ABCA3: variants seen among roughly 807,000 people sequenced by gnomAD.
ABCA3 encodes the protein ATP binding cassette subfamily A member 3, also known as phospholipid-transporting ATPase ABCA3.
ABCA3 carries 88 observed loss-of-function variants against 172.8 expected under a neutral mutation model. The ratio of observed to expected loss-of-function variants is 0.51; its 90% CI spans 0.43 to 0.61. The LOEUF (loss-of-function observed/expected upper bound fraction) is 0.61, where lower values mean the gene tolerates loss of function less well. ABCA3 is among the 20% of genes least tolerant of loss of function. The pLI is 0.00. For missense variants in ABCA3, 2,164 were observed against 2,301.0 expected, an observed-to-expected ratio of 0.94 and a Z score of 1.22; for synonymous variants, 1,066 against 983.8, an observed-to-expected ratio of 1.08 and a Z score of -1.56.
intron 5 of ABCA3, 137 bp downstream of exon 5, chr16:2,325,873 G>C: frequency 1.7e-6 from 2 of 1,194,608 alleles, no homozygotes; most frequent in Non-Finnish European, 2.4e-6. Context: ...GTAGTGATGC[G>C]GGAAGAAGCA....
rs755504528 is a variant in ABCA3, at chr16:2,281,095, C to T, written c.4291G>A (p.Gly1431Arg). The T allele has an allele frequency of 1.1e-5, 18 of 1,613,980 alleles. No individual in the cohort carries two copies. Among genetic ancestry groups the T allele is most frequent in the Middle Eastern group, 1.6e-4 (1 of 6,062 alleles). Residue 1431 changes from glycine (G) to arginine (R), a missense_variant, in exon 28 of 33, where the codon GGG becomes AGG. This residue lies in a region of ABCA3 where 795 missense variants were observed against 881.9 expected (regional missense o/e 0.90). Transcript: ENST00000301732. The surrounding 1 kb of genome is among the most constrained non-coding windows in gnomAD (Gnocchi z 4.7). ...TCCCCAGAAGTGAGGCTCTCCTCCC[C>T]GGTCAGCATTTTGAAAGTCGTGGTC... ...GKTTTFKMLT[G>R]EESLTSGDAF...
intron 5 of ABCA3, 64 bp from the exon 6 acceptor site, chr16:2,324,595 T>C: frequency 1.3e-6 from 2 of 1,598,888 alleles, no homozygotes; most frequent in Admixed American, 1.7e-5. Flanking sequence ...AAAATCTGCG[T>C]GGTTCAGGTC....
intron 5 of ABCA3, 93 bp downstream of exon 5, chr16:2,325,917 C>T (rs2093733449): frequency 1.9e-6 from 3 of 1,576,018 alleles, no homozygotes; most frequent in Non-Finnish European, 2.6e-6. Context: ...ACTCCTCACC[C>T]AGCTGCTTCG....
In ABCA3 at chr16:2,303,919, C is replaced by T. The variant is rs199727406; in HGVS notation, c.1467+50G>A. ...GGTCCCTGAGCAGGTACTGGGGACA[C>T]CTCTGCACTCAGAGAGGCGGCGGCT... On this transcript the variant is annotated intron_variant, in intron 12 of 32. Coordinates refer to ENST00000301732, the MANE Select transcript of ABCA3 (RefSeq NM_001089.3). 71 of 1,607,774 alleles carry T rather than the reference C, an allele frequency of 4.4e-5. No individual in the cohort carries two copies. In the East Asian group the frequency reaches 7.6e-4, roughly 17 times the overall value.
At chr16:2,312,654 G>A (rs535090281) in intron 10 of ABCA3, among the ~76,000 whole-genome samples, 74 of 151,318 alleles carry the variant, frequency 4.9e-4, no homozygotes, top group African/African-American at 1.8e-3. Context: ...TCAGCCTCCC[G>A]AGTAGCTGGG....
At chr16:2,332,543 G>A (rs935110821) in intron 1 of ABCA3, 8 of 1,069,286 alleles carry the variant, frequency 7.5e-6, no homozygotes, top group South Asian at 2.6e-5. Flanking sequence ...CCCTCCACAC[G>A]GACACGAATG....
intron 11 of ABCA3, among the ~76,000 whole-genome samples, chr16:2,306,787 G>C (rs542525393): frequency 6.6e-6 from 1 of 151,894 alleles, no homozygotes; most frequent in Non-Finnish European, 1.5e-5. Context: ...AGGCCGAGGC[G>C]GGCGGATCAC....
At chr16:2,334,889 C>T (rs192669829) in intron 1 of ABCA3, among the ~76,000 whole-genome samples, 6 of 149,548 alleles carry the variant, frequency 4.0e-5, no homozygotes, top group African/African-American at 1.2e-4. Context: ...AGTGCAATGG[C>T]GTGATCTTGG....
chr16:2,312,685 C>T (rs181218148), intron 10 of ABCA3, among the ~76,000 whole-genome samples: 241 of 152,006 alleles, frequency 1.6e-3, no homozygotes, highest in African/African-American at 5.4e-3. Context: ...CCCACGACCA[C>T]GCCCAGCAAA....
intron 1 of ABCA3, among the ~76,000 whole-genome samples, chr16:2,335,624 T>C (rs1308977979): frequency 1.3e-5 from 2 of 152,206 alleles, no homozygotes; most frequent in African/African-American, 4.8e-5. Flanking sequence ...CTGGCTTGTA[T>C]GTCAGCAGCC....
chr16:2,322,889 T>G (rs1452857382), intron 7 of ABCA3, among the ~76,000 whole-genome samples: 1 of 151,944 alleles, frequency 6.6e-6, no homozygotes, highest in Non-Finnish European at 1.5e-5. Flanking sequence ...GGGAGAAAAT[T>G]TTTGCAATCT....
intron 10 of ABCA3, among the ~76,000 whole-genome samples, chr16:2,309,555 G>A (rs1297659532): frequency 5.3e-5 from 8 of 152,172 alleles, no homozygotes; most frequent in Admixed American, 2.0e-4. Context: ...AGTGGATTAC[G>A]GAGAGTGGAG....
At chr16:2,338,005 C>T (rs965489411) in intron 1 of ABCA3, among the ~76,000 whole-genome samples, 1 of 152,232 alleles carries the variant, frequency 6.6e-6, no homozygotes, top group African/African-American at 2.4e-5. Flanking sequence ...ATCTCTGCTA[C>T]TGCCTGTTTC....
In ABCA3 at chr16:2,284,870, C is replaced by G; in HGVS notation, c.3612G>C (p.Leu1204Phe). ...GCCTCGTGTAGGCAGTGGCCGCCCC[C>G]AAGAAGAAGAAGTTCATCAGGTACA... The part of the protein sequence containing the change: ...PLMYLMNFFF[L>F]GAATAYTRLT... Residue 1204 changes from leucine (L) to phenylalanine (F), a missense_variant, in exon 24 of 33, where the codon TTG becomes TTC. This residue lies in a region of ABCA3 where 795 missense variants were observed against 881.9 expected (regional missense o/e 0.90). Coordinates refer to ENST00000301732, the MANE Select transcript of ABCA3 (RefSeq NM_001089.3). The surrounding 1 kb of genome is among the most constrained non-coding windows in gnomAD (Gnocchi z 5.9). 1.2e-6 allele frequency: 2 copies of G among 1,613,904 alleles called. No individual in the cohort carries two copies. The highest frequency in any genetic ancestry group is 8.5e-7 in the Non-Finnish European group (1 of 1,179,986).
rs755896161 is a variant in ABCA3, at chr16:2,323,538, C to A, written c.598G>T (p.Asp200Tyr). The A allele has an allele frequency of 1.2e-6, 2 of 1,614,040 alleles. No individual in the cohort carries two copies. Among genetic ancestry groups the A allele is most frequent in the Non-Finnish European group, 1.7e-6 (2 of 1,180,020 alleles). ...AGCTTCTCACCAGGTTCTCCGCCATCAGGGGATGTAGGTTCCCTTGGTCCT... is the reference window on the plus strand; with the variant it reads ...AGCTTCTCACCAGGTTCTCCGCCATAAGGGGATGTAGGTTCCCTTGGTCCT... ...NPGPREPTSPDGGEPGYIREG... is the reference protein window; with the variant it reads ...NPGPREPTSPYGGEPGYIREG... Residue 200 changes from aspartate (D) to tyrosine (Y), a missense_variant, in exon 7 of 33, where the codon GAT becomes TAT. Around this residue, in one of 3 missense-constraint regions of ABCA3, gnomAD observed 1,343 missense variants for 1,369.6 expected, o/e 0.98. Transcript: ENST00000301732.
At chr16:2,324,624 G>A in intron 5 of ABCA3, 93 bp from the exon 6 acceptor site, 1 of 1,566,008 alleles carries the variant, frequency 6.4e-7, no homozygotes. Context: ...ATGAAAGACG[G>A]CAAATCCTCT....
intron 1 of ABCA3, among the ~76,000 whole-genome samples, chr16:2,336,480 G>C (rs963750701): frequency 2.6e-5 from 4 of 151,602 alleles, no homozygotes; most frequent in African/African-American, 7.3e-5. Flanking sequence ...GCCCAGGCTG[G>C]AGTGCAAAGG....
rs1278011314 is a variant in ABCA3, at chr16:2,276,508, T to TG, written c.*165dup. 2 of 1,144,762 alleles carry TG rather than the reference T, an allele frequency of 1.7e-6. No homozygotes were observed. Among genetic ancestry groups the TG allele is most frequent in the African/African-American group, 3.1e-5 (2 of 65,010 alleles). 70.9% of individuals were successfully genotyped at this position (1,144,762 alleles called of 1,614,324 possible). On this transcript the variant is annotated 3_prime_UTR_variant, in exon 33 of 33. Transcript: ENST00000301732. The stretch of plus-strand genomic sequence containing the variant: ...GCATGCTGATCCTGGGCATGAGGGC[T>TG]GGGCTGCACTCGTCCATTCTGTGCA...
chr16:2,333,357 C>T (rs931177616), intron 1 of ABCA3, among the ~76,000 whole-genome samples: 9 of 152,148 alleles, frequency 5.9e-5, no homozygotes, highest in African/African-American at 1.4e-4. Context: ...ACAGGTGAAC[C>T]GCCCCAAGAT....
Sources: allele counts gnomAD v4.1 joint callset (sites outside exome capture counted in the v4.1 genomes callset), GRCh38; gene constraint gnomAD v4.1.1; regional missense constraint gnomAD v4.1.1; non-coding constraint Gnocchi (gnomAD v3.1); transcripts MANE v1.5; gene names NCBI Gene and HGNC (gene_info 2026-07-23, HGNC 2026-07-21).